The following IFT80 variants were observed in gnomAD, a reference collection of about 807,000 sequenced individuals.
The protein encoded by IFT80 is intraflagellar transport 80.
In IFT80, 79 loss-of-function variants were observed where a neutral mutation model predicts 107.9. That is an observed-to-expected ratio of 0.73 (90% confidence interval 0.61 to 0.88). The LOEUF (loss-of-function observed/expected upper bound fraction) is 0.88. Among genes scored for constraint, IFT80 ranks in the 40% least tolerant of loss-of-function variants. The pLI is 0.00. For synonymous variants in IFT80, 299 were observed against 300.9 expected (o/e 0.99, Z 0.07); for missense variants, 797 against 914.2 (o/e 0.87, Z 1.65).
At chr3:160,387,765 AG>A (rs1325312848) in intron 1 of IFT80, among the ~76,000 whole-genome samples, 1 of 152,168 alleles carries the variant, frequency 6.6e-6, no homozygotes, top group Admixed American at 6.5e-5. Context: ...TATCAATTTG[AG>A]GGTTGTCAGC....
Position 160,356,122 on chromosome 3 carries a change from T to C in IFT80, c.668A>G (p.Tyr223Cys), listed in dbSNP as rs201223006. 4.3e-6 allele frequency: 7 copies of C among 1,614,164 alleles called. No homozygotes were observed. Among genetic ancestry groups the C allele is most frequent in the South Asian group, 1.1e-5 (1 of 91,084 alleles). Residue 223 changes from tyrosine to cysteine, a missense_variant, in exon 8 of 20, where the codon TAC becomes TGC. Physicochemically the swap from Tyr to Cys is radical, Grantham distance 194. Transcript: ENST00000326448. ...KVWDSYGRPL[Y>C]NSQPHEHPIT... is the part of the protein sequence containing the mutation. Reference sequence around the variant, plus strand: ...GGGATGCTCATGAGGTTGTGAATTGTACAGTGGGCGGCCGTAACTATCCCA... The same window carrying C: ...GGGATGCTCATGAGGTTGTGAATTGCACAGTGGGCGGCCGTAACTATCCCA...
chr3:160,357,423 T>C (rs944130676), intron 7 of IFT80, 66 bp downstream of exon 7: 7 of 854,988 alleles, frequency 8.2e-6, no homozygotes, highest in South Asian at 4.6e-5. Context: ...AAAAGAATAT[T>C]CTTATATGCT....
At chr3:160,354,670 T>A (rs575562772) in intron 8 of IFT80, among the ~76,000 whole-genome samples, 5 of 151,376 alleles carry the variant, frequency 3.3e-5, no homozygotes, top group Non-Finnish European at 4.4e-5. Context: ...AATAAATAAA[T>A]AAAATAAAAT....
chr3:160,307,844 G>A lies in IFT80; in HGVS notation c.958-63C>T, dbSNP rs2275153. 0.049 allele frequency: 41,872 copies of A among 862,448 alleles called. 1,301 individuals carry two copies. The highest frequency in any genetic ancestry group is 0.083 in the Middle Eastern group (378 of 4,578). The allele number at this position is 862,448 out of a possible 1,614,324, so 53.4% of individuals were successfully genotyped here. ...ACATATCCAAATTTTATTTAGATAA[G>A]TTAGCAAGATTTTGAAACACAAAAA... On this transcript the variant is annotated intron_variant, in intron 9 of 19. Transcript: ENST00000326448.
intron 10 of IFT80, among the ~76,000 whole-genome samples, chr3:160,304,435 CTTTTTTT>C (rs869204306): frequency 3.8e-4 from 49 of 129,164 alleles, no homozygotes; most frequent in South Asian, 5.1e-4. Context: ...TTGATTTTTT[CTTTTTTT>C]TTTTTTTTTT....
chr3:160,330,600 T>A (rs1305965540), intron 8 of IFT80, among the ~76,000 whole-genome samples: 2 of 152,134 alleles, frequency 1.3e-5, no homozygotes, highest in African/African-American at 4.8e-5. Flanking sequence ...TAAAATGGAT[T>A]CCTGGGCCCG....
Position 160,356,127 on chromosome 3 carries a change from T to C in IFT80, c.663A>G (p.Pro221=), listed in dbSNP as rs1436184641. Residue 221 remains proline, a synonymous_variant, in exon 8 of 20, where the codon CCA becomes CCG. Transcript: ENST00000326448. Reference sequence around the variant, plus strand: ...GCTCATGAGGTTGTGAATTGTACAGTGGGCGGCCGTAACTATCCCATACCT... The same window carrying C: ...GCTCATGAGGTTGTGAATTGTACAGCGGGCGGCCGTAACTATCCCATACCT... ...KYKVWDSYGR[P]LYNSQPHEHP... The C allele has an allele frequency of 5.6e-6, 9 of 1,614,140 alleles. No homozygotes were observed. Among genetic ancestry groups the C allele is most frequent in the Non-Finnish European group, 7.6e-6 (9 of 1,179,978 alleles).
intron 8 of IFT80, among the ~76,000 whole-genome samples, chr3:160,334,104 C>A (rs1438952027): frequency 2.0e-5 from 3 of 152,068 alleles, no homozygotes; most frequent in Non-Finnish European, 2.9e-5. Context: ...GGTACATGAT[C>A]GTATCACTTT....
chr3:160,298,085 C>A (rs888421433), intron 12 of IFT80, among the ~76,000 whole-genome samples: 21 of 152,228 alleles, frequency 1.4e-4, no homozygotes, highest in Non-Finnish European at 2.8e-4. Context: ...AGCTCTAGTA[C>A]TTAATCAATC....
At chr3:160,261,748 GC>G (rs1462174479) in intron 19 of IFT80, among the ~76,000 whole-genome samples, 2 of 149,224 alleles carry the variant, frequency 1.3e-5, no homozygotes, top group African/African-American at 5.0e-5. Context: ...GCCACAGTAA[GC>G]TGTCATTGTG....
Position 160,388,903 on chromosome 3 carries a change from G to A in IFT80, c.-46-4257C>T, listed in dbSNP as rs147653461. Among the ~76,000 whole-genome samples the A allele has an allele frequency of 7.0e-3, 1,066 of 152,238 alleles. 11 individuals are homozygous for A. The highest frequency in any genetic ancestry group is 0.024 in the African/African-American group (996 of 41,540). ...AAAGGGGTTACAAGCCTAGTAATGA[G>A]GACAGCTTCTAGAGGCTGGAAAGGG... is the stretch of plus-strand genomic sequence containing the variant. On this transcript the variant is annotated intron_variant, in intron 1 of 19. Transcript: ENST00000326448.
intron 9 of IFT80, among the ~76,000 whole-genome samples, chr3:160,309,821 CATATT>C (rs1469268231): frequency 3.3e-5 from 5 of 151,666 alleles, no homozygotes; most frequent in African/African-American, 1.2e-4. Flanking sequence ...TATTCAGTAA[CATATT>C]ATTAGAATAA....
chr3:160,303,913 A>G lies in IFT80; in HGVS notation c.1151+2T>C. On this transcript the variant is annotated splice_donor_variant, in intron 11 of 19. Transcript: ENST00000326448. LOFTEE classifies it high-confidence loss of function. ...ATCCAGTAGTTAAACATAATAAATT[A>G]CCTTTCTGCCTGCAGAATCAAACTA... 6.3e-7 allele frequency: 1 copy of G among 1,583,108 alleles called. No individual in the cohort carries two copies. Among genetic ancestry groups the G allele is most frequent in the Non-Finnish European group, 8.7e-7 (1 of 1,152,108 alleles).
At chr3:160,372,962 T>C (rs1711646449) in intron 5 of IFT80, among the ~76,000 whole-genome samples, 1 of 152,044 alleles carries the variant, frequency 6.6e-6, no homozygotes, top group Admixed American at 6.6e-5. Context: ...AAAAACCAAC[T>C]CAAAATGAAT....
chr3:160,317,903 C>G (rs1717932654), intron 9 of IFT80, among the ~76,000 whole-genome samples: 1 of 151,946 alleles, frequency 6.6e-6, no homozygotes, highest in East Asian at 1.9e-4. Flanking sequence ...CTGATTCAAA[C>G]AAAGTTTTGT....
chr3:160,272,657 C>A (rs909474317), intron 18 of IFT80, among the ~76,000 whole-genome samples: 2 of 152,156 alleles, frequency 1.3e-5, no homozygotes, highest in Non-Finnish European at 2.9e-5. Flanking sequence ...TCGTGATAAA[C>A]CTCAGCCATA....
chr3:160,357,359 T>A, intron 7 of IFT80, 130 bp downstream of exon 7: 2 of 598,102 alleles, frequency 3.3e-6, no homozygotes, highest in Non-Finnish European at 6.0e-6. Context: ...CTTAACATTA[T>A]AAAATAATTT....
intron 12 of IFT80, among the ~76,000 whole-genome samples, chr3:160,288,210 G>A (rs989805646): frequency 9.2e-5 from 14 of 152,272 alleles, no homozygotes; most frequent in African/African-American, 3.1e-4. Context: ...GCCTGCGCCT[G>A]TAGTCCCAGC....
chr3:160,267,565 C>T (rs922401552), intron 19 of IFT80, among the ~76,000 whole-genome samples: 2 of 152,300 alleles, frequency 1.3e-5, no homozygotes, highest in Admixed American at 6.5e-5. Context: ...TCTTAGGAGT[C>T]AAGCTTCTTG....
Sources: allele counts gnomAD v4.1 joint callset (sites outside exome capture counted in the v4.1 genomes callset), GRCh38; gene constraint gnomAD v4.1.1; transcripts MANE v1.5; gene names NCBI Gene and HGNC (gene_info 2026-07-23, HGNC 2026-07-21).